TBCD: variants seen among roughly 807,000 people sequenced by gnomAD.
TBCD encodes tubulin-specific chaperone D.
In TBCD, 105 loss-of-function variants were observed where a neutral mutation model predicts 169.3. The observed-to-expected ratio is 0.62, with a 90% CI of 0.53 to 0.73. The LOEUF is 0.73. Ranked by LOEUF, TBCD falls within the 30% of genes least tolerant of loss-of-function variation. The probability of loss-of-function intolerance (pLI) is 0.00; values close to 1 mark genes in which losing one functional copy is unlikely to be tolerated. For synonymous variants in TBCD, 700 were observed against 643.9 expected (o/e 1.09, Z -1.32); for missense variants, 1,444 against 1,600.1 (o/e 0.90, Z 1.66).
At chr17:82,921,630 A>G in intron 25 of TBCD, 53 bp downstream of exon 25, 1 of 1,549,678 alleles carries the variant, frequency 6.5e-7, no homozygotes, top group Non-Finnish European at 8.9e-7. Context: ...TTAGTGTGTT[A>G]GTCACGGATG....
chr17:82,931,739 C>T (rs2062230895), intron 33 of TBCD, among the ~76,000 whole-genome samples: 1 of 152,228 alleles, frequency 6.6e-6, no homozygotes, highest in Admixed American at 6.5e-5. Flanking sequence ...TCGGCCTGTG[C>T]TAAAGCTCTC....
intron 17 of TBCD, among the ~76,000 whole-genome samples, chr17:82,900,137 C>T (rs996346889): frequency 6.6e-6 from 1 of 152,206 alleles, no homozygotes; most frequent in Admixed American, 6.5e-5. Flanking sequence ...GTGACGGAGG[C>T]CTGAGCACAG....
chr17:82,795,694 T>A, intron 7 of TBCD: 1 of 798,184 alleles, frequency 1.3e-6, no homozygotes, highest in Non-Finnish European at 1.5e-6. Flanking sequence ...CTTGCGTGGA[T>A]CGATTCTGTG....
intron 13 of TBCD, among the ~76,000 whole-genome samples, chr17:82,849,961 C>CTGTTGGCTGTACTGT (rs2055531287): frequency 9.3e-6 from 1 of 107,276 alleles, no homozygotes; most frequent in African/African-American, 3.6e-5. Context: ...GCCTGTGCTG[C>CTGTTGGCTGTACTGT]TGTTGGCTGT....
chr17:82,926,358 T>G (rs1431908180), intron 27 of TBCD, 42 bp from the exon 28 acceptor site: 4 of 1,594,796 alleles, frequency 2.5e-6, no homozygotes, highest in Non-Finnish European at 3.4e-6. Flanking sequence ...GTGCACTTTG[T>G]TATAGCTTAT....
chr17:82,871,268 A>G (rs756157253), intron 14 of TBCD, among the ~76,000 whole-genome samples: 18 of 152,212 alleles, frequency 1.2e-4, no homozygotes, highest in East Asian at 1.9e-4. Context: ...ATTCAATTCA[A>G]TTCAACCGTG....
Position 82,930,494 on chromosome 17 carries a change from T to A in TBCD, c.2992-28T>A. The stretch of plus-strand genomic sequence containing the variant: ...GGGGTGGCAGGCTCGGGGGTCCCAC[T>A]GCCTTCTGAGGTGTCTCCGTGTTGC... On this transcript the variant is annotated intron_variant, in intron 32 of 38. Transcript: ENST00000355528. The surrounding 1 kb of genome is among the most constrained non-coding windows in gnomAD (Gnocchi z 5.2). 6.2e-7 allele frequency: 1 copy of A among 1,608,638 alleles called. No homozygotes were observed.
intron 14 of TBCD, among the ~76,000 whole-genome samples, chr17:82,875,812 C>T (rs2146087025): frequency 6.6e-6 from 1 of 152,304 alleles, no homozygotes; most frequent in South Asian, 2.1e-4. Context: ...AGTCCTAACC[C>T]TGTGAAACCC....
chr17:82,900,731 G>A lies in TBCD; in HGVS notation c.1730G>A (p.Gly577Glu), dbSNP rs1395206096. 1 of 1,613,402 alleles carries A rather than the reference G, an allele frequency of 6.2e-7. No individual in the cohort carries two copies. Among genetic ancestry groups the A allele is most frequent in the South Asian group, 1.1e-5 (1 of 91,062 alleles). Residue 577 changes from glycine to glutamate, a missense_variant and splice_region_variant, in exon 18 of 39, where the codon GGG becomes GAG. Transcript: ENST00000355528. ...ACCATGAAGATCAGCCACTGGGATGGGTAGGTTTTCTGTTTTTGTTTTTCT... is the reference window on the plus strand; with the variant it reads ...ACCATGAAGATCAGCCACTGGGATGAGTAGGTTTTCTGTTTTTGTTTTTCT... The part of the protein sequence containing the change: ...LVTMKISHWD[G>E]VIRELAARAL...
At chr17:82,888,094 A>G (rs1463366420) in intron 15 of TBCD, among the ~76,000 whole-genome samples, 1 of 152,034 alleles carries the variant, frequency 6.6e-6, no homozygotes, top group East Asian at 1.9e-4. Context: ...TGGGGTCTCG[A>G]TCAGTTTTTT....
At chr17:82,798,267 C>A (rs1456919975) in intron 8 of TBCD, among the ~76,000 whole-genome samples, 2 of 152,132 alleles carry the variant, frequency 1.3e-5, no homozygotes, top group African/African-American at 4.8e-5. Flanking sequence ...CTGCATCAAC[C>A]TCCCGAGTAG....
intron 13 of TBCD, among the ~76,000 whole-genome samples, chr17:82,823,818 T>C (rs528132524): frequency 2.6e-5 from 4 of 152,348 alleles, no homozygotes; most frequent in Admixed American, 6.5e-5. Context: ...CTTTTTATTA[T>C]TAAGCATGTT....
intron 13 of TBCD, chr17:82,858,778 AG>A (rs2056521787): frequency 2.0e-6 from 1 of 501,366 alleles, no homozygotes. Flanking sequence ...GGCCCTGCTC[AG>A]CCGGTCCATG....
At chr17:82,855,520 G>A (rs1290922696) in intron 13 of TBCD, among the ~76,000 whole-genome samples, 2 of 151,920 alleles carry the variant, frequency 1.3e-5, no homozygotes, top group South Asian at 4.2e-4. Flanking sequence ...TACTCACCTC[G>A]GCCTCCTGAA....
intron 2 of TBCD, among the ~76,000 whole-genome samples, chr17:82,762,191 A>G (rs1011811266): frequency 7.3e-5 from 11 of 150,926 alleles, no homozygotes; most frequent in Non-Finnish European, 7.4e-5. Context: ...CGGTGTGCGC[A>G]TGTAGTCCCA....
chr17:82,925,145 A>C (rs2061642570), intron 27 of TBCD, 88 bp downstream of exon 27: 3 of 1,055,776 alleles, frequency 2.8e-6, no homozygotes, highest in Non-Finnish European at 4.1e-6. Context: ...CCAGCCGTTA[A>C]TAAACCCATC....
intron 13 of TBCD, among the ~76,000 whole-genome samples, chr17:82,858,886 A>C (rs1347415602): frequency 6.6e-6 from 1 of 152,182 alleles, no homozygotes; most frequent in Non-Finnish European, 1.5e-5. Context: ...TTGTCTAGAC[A>C]AGAGAACTGC....
intron 13 of TBCD, among the ~76,000 whole-genome samples, chr17:82,845,956 A>G (rs2054998316): frequency 1.3e-5 from 2 of 152,234 alleles, no homozygotes; most frequent in African/African-American, 2.4e-5. Context: ...CGGAAAATCC[A>G]CAGGCCTGGC....
chr17:82,858,715 C>G, intron 13 of TBCD: 1 of 943,542 alleles, frequency 1.1e-6, no homozygotes. Flanking sequence ...TTTTCTGACC[C>G]TCCTGTGGAT....
Sources: gnomAD v4.1 joint callset for allele counts (sites outside exome capture counted in the v4.1 genomes callset) on GRCh38, gnomAD v4.1.1 for gene constraint, Gnocchi (gnomAD v3.1) non-coding constraint, MANE v1.5 for transcripts, NCBI Gene and HGNC (gene_info 2026-07-23, HGNC 2026-07-21) for gene names.